Variants in EHMT1 observed in about 807,000 individuals in gnomAD.
The protein encoded by EHMT1 is euchromatic histone lysine methyltransferase 1, also known as histone-lysine N-methyltransferase EHMT1.
Under a neutral mutation model 147.2 loss-of-function variants are expected in EHMT1, and 15 were observed. That is an observed-to-expected ratio of 0.10 (90% CI 0.07 to 0.16). The LOEUF is 0.16. Among genes scored for constraint, EHMT1 ranks in the 10% least tolerant of loss-of-function variants. EHMT1 has a pLI of 1.00. For synonymous variants in EHMT1, 795 were observed against 709.6 expected, an observed-to-expected ratio of 1.12 and a Z score of -1.91; for missense variants, 1,587 against 1,772.4, an observed-to-expected ratio of 0.90 and a Z score of 1.88.
chr9:137,784,257 G>C, intron 15 of EHMT1: 6 of 1,512,658 alleles, frequency 4.0e-6, no homozygotes, highest in Non-Finnish European at 5.4e-6. Flanking sequence ...ACAGGGAGCA[G>C]GTCCATTCCT....
intron 1 of EHMT1, among the ~76,000 whole-genome samples, chr9:137,650,151 T>A (rs916248958): frequency 6.6e-6 from 1 of 152,070 alleles, no homozygotes; most frequent in Non-Finnish European, 1.5e-5. Context: ...CAGGCTGGAG[T>A]GCAGTGGTGC....
At chr9:137,736,967 C>T (rs12338017) in intron 4 of EHMT1, among the ~76,000 whole-genome samples, 20,992 of 151,902 alleles carry the variant, frequency 0.14, 3,377 homozygotes, top group African/African-American at 0.39. Context: ...CTTTGAGAGG[C>T]CACGGTGAGC....
intron 4 of EHMT1, among the ~76,000 whole-genome samples, chr9:137,736,154 A>C (rs569872937): frequency 4.9e-4 from 75 of 152,340 alleles, no homozygotes; most frequent in African/African-American, 1.7e-3. Context: ...CAAGGTGGCT[A>C]TCAGACAAAA....
intron 1 of EHMT1, among the ~76,000 whole-genome samples, chr9:137,672,024 C>G (rs570955686): frequency 1.2e-4 from 19 of 152,298 alleles, no homozygotes; most frequent in Admixed American, 9.8e-4. Context: ...TGCAGAGACC[C>G]CAGGATTCTT....
intron 1 of EHMT1, among the ~76,000 whole-genome samples, chr9:137,628,054 T>C (rs150572844): frequency 6.6e-6 from 1 of 152,294 alleles, no homozygotes; most frequent in East Asian, 1.9e-4. Context: ...TGGTGTCTTG[T>C]GGCTACAGAA....
chr9:137,738,735 C>T (rs903566663), intron 4 of EHMT1: 25 of 152,126 alleles, frequency 1.6e-4, no homozygotes, highest in African/African-American at 5.6e-4. Flanking sequence ...AGCTGGGGCC[C>T]GCGCTGCAGC....
rs113123408 is a variant in EHMT1 at position 137,801,116 on chromosome 9, G to A, written c.2712+132G>A. On this transcript the variant is annotated intron_variant, in intron 18 of 26. Coordinates refer to ENST00000460843, the MANE Select transcript of EHMT1 (RefSeq NM_024757.5). ...TTTGACCTCTTCCTGTGGCAGCATC[G>A]GCCCGGCACTGTGCTGTGGCTGTCC... is the stretch of plus-strand genomic sequence containing the variant. 6.0e-4 allele frequency: 475 copies of A among 789,644 alleles called. 1 individual carries two copies. Among genetic ancestry groups the A allele is most frequent in the Non-Finnish European group, 9.0e-4 (418 of 465,250 alleles). 48.9% of individuals were successfully genotyped at this position (789,644 alleles called of 1,614,324 possible). A position where few individuals can be genotyped will look rare whatever the true frequency, so the allele number is the denominator to read the frequency against.
Position 137,834,378 on chromosome 9 carries a change from G to T in EHMT1, c.3570G>T (p.Arg1190=). The change falls in exon 26 of 27, where the codon CGG becomes CGT. Residue 1190 remains arginine (R), a synonymous_variant. Coordinates refer to ENST00000460843, the MANE Select transcript of EHMT1 (RefSeq NM_024757.5). The part of the protein sequence containing the change: ...KDGEVYCIDA[R]FYGNVSRFIN... ...GGGAGGTTTACTGCATCGACGCGCG[G>T]TTCTACGGGAACGTCAGCCGGTTCA... 1 of 1,613,234 alleles carries T rather than the reference G, an allele frequency of 6.2e-7. No homozygotes were observed. Among genetic ancestry groups the T allele is most frequent in the Admixed American group, 1.7e-5 (1 of 60,028 alleles).
intron 10 of EHMT1, among the ~76,000 whole-genome samples, chr9:137,767,327 C>T (rs184540906): frequency 6.6e-6 from 1 of 152,314 alleles, no homozygotes; most frequent in African/African-American, 2.4e-5. Context: ...TAACAGCGTT[C>T]AGCCAACGAT....
At chr9:137,759,508 A>G (rs1457054102) in intron 9 of EHMT1, among the ~76,000 whole-genome samples, 1 of 152,200 alleles carries the variant, frequency 6.6e-6, no homozygotes, top group Non-Finnish European at 1.5e-5. Context: ...GGTCGGGGGA[A>G]GGTAGCTCTA....
intron 1 of EHMT1, among the ~76,000 whole-genome samples, chr9:137,694,483 C>T (rs1943233440): frequency 6.6e-6 from 1 of 152,196 alleles, no homozygotes; most frequent in Non-Finnish European, 1.5e-5. Flanking sequence ...GGCTCCGTGC[C>T]CTTCTTCCTG....
Position 137,800,866 on chromosome 9 carries a change from C to G in EHMT1, c.2608-14C>G. 6.2e-7 allele frequency: 1 copy of G among 1,613,382 alleles called. No homozygotes were observed. Among genetic ancestry groups the G allele is most frequent in the Non-Finnish European group, 8.5e-7 (1 of 1,179,382 alleles). On this transcript the variant is annotated splice_polypyrimidine_tract_variant and intron_variant, in intron 17 of 26. Transcript: ENST00000460843. ...TCTCTGGAGCGATGACAGCTTTGTC[C>G]TCTTCCCTGGCAGGATGACGGAGGC... is the stretch of plus-strand genomic sequence containing the variant.
At chr9:137,751,266 C>G (rs181266274) in intron 6 of EHMT1, among the ~76,000 whole-genome samples, 173 of 152,292 alleles carry the variant, frequency 1.1e-3, no homozygotes, top group East Asian at 5.2e-3. Flanking sequence ...ACACCTTTGA[C>G]TTGTTCAGAT....
chr9:137,661,422 A>C (rs1329738848), intron 1 of EHMT1, among the ~76,000 whole-genome samples: 1 of 151,848 alleles, frequency 6.6e-6, no homozygotes, highest in Non-Finnish European at 1.5e-5. Flanking sequence ...TTCCATTCCT[A>C]ATTTACTGAG....
intron 1 of EHMT1, among the ~76,000 whole-genome samples, chr9:137,652,034 G>T (rs779657528): frequency 6.6e-6 from 1 of 152,072 alleles, no homozygotes. Context: ...TACCATTATT[G>T]TAGAGTGTAC....
At chr9:137,675,970 A>G (rs1589218358) in intron 1 of EHMT1, 1 of 150,810 alleles carries the variant, frequency 6.6e-6, no homozygotes. Flanking sequence ...TTTTTAGTAG[A>G]GACGGGGTTT....
chr9:137,824,780 C>T (rs1955692988), intron 25 of EHMT1, among the ~76,000 whole-genome samples: 1 of 152,092 alleles, frequency 6.6e-6, no homozygotes, highest in South Asian at 2.1e-4. Flanking sequence ...ATTTCATCTT[C>T]CAGTTGTTTG....
intron 9 of EHMT1, among the ~76,000 whole-genome samples, chr9:137,762,354 T>G (rs548565723): frequency 6.6e-6 from 1 of 152,166 alleles, no homozygotes; most frequent in East Asian, 1.9e-4. Flanking sequence ...AGCAAAAGAT[T>G]TAGGAGCTAC....
Position 137,775,028 on chromosome 9 carries a change from C to A in EHMT1, c.1648-81C>A. 4.4e-6 allele frequency: 7 copies of A among 1,597,574 alleles called. No homozygotes were observed. The highest frequency in any genetic ancestry group is 6.0e-6 in the Non-Finnish European group (7 of 1,166,990). On this transcript the variant is annotated intron_variant, in intron 10 of 26. Coordinates refer to ENST00000460843, the MANE Select transcript of EHMT1 (RefSeq NM_024757.5). The surrounding 1 kb of genome is among the most constrained non-coding windows in gnomAD (Gnocchi z 6.1). Reference sequence around the variant, plus strand: ...CACCTGCTGAGCAGCTCTTGTGTGCCTGCACTGCCCAGCGCCTGGTGGGAG... The same window carrying A: ...CACCTGCTGAGCAGCTCTTGTGTGCATGCACTGCCCAGCGCCTGGTGGGAG...
Sources: gnomAD v4.1 joint callset for allele counts (sites outside exome capture counted in the v4.1 genomes callset) on GRCh38, gnomAD v4.1.1 for gene constraint, Gnocchi (gnomAD v3.1) non-coding constraint, MANE v1.5 for transcripts, NCBI Gene and HGNC (gene_info 2026-07-23, HGNC 2026-07-21) for gene names.